Variants in CACNA1A observed in about 807,000 individuals in gnomAD.
CACNA1A encodes voltage-dependent P/Q-type calcium channel subunit alpha-1A.
CACNA1A carries 57 observed loss-of-function variants against 262.4 expected under a neutral mutation model. The observed-to-expected ratio is 0.22, with a 90% CI of 0.18 to 0.27. CACNA1A has a LOEUF of 0.27. Ranked by LOEUF, CACNA1A falls within the 10% of genes least tolerant of loss-of-function variation. The probability of loss-of-function intolerance (pLI) is 1.00; values close to 1 mark genes in which losing one functional copy is unlikely to be tolerated. For missense variants in CACNA1A, 2,526 were observed against 3,562.8 expected (o/e 0.71, Z 7.41); for synonymous variants, 1,431 against 1,419.3 (o/e 1.01, Z -0.18).
At chr19:13,296,640 T>C (rs948920740) in intron 19 of CACNA1A, among the ~76,000 whole-genome samples, 6 of 152,254 alleles carry the variant, frequency 3.9e-5, no homozygotes, top group Admixed American at 3.9e-4. Flanking sequence ...TCCTCCCACC[T>C]TGGCCTCCCA....
rs749526415 is a variant in CACNA1A at position 13,506,016 on chromosome 19, T to C, written c.209A>G (p.Asn70Ser). 6 of 1,613,962 alleles carry C rather than the reference T, an allele frequency of 3.7e-6. No homozygotes were observed. The highest frequency in any genetic ancestry group is 2.2e-5 in the South Asian group (2 of 91,070). ...GAGAGACCGGTTAACCGTGAGGCAGTTCTGTCGGACGGGGATGGGGTTGTA... is the reference window on the plus strand; with the variant it reads ...GAGAGACCGGTTAACCGTGAGGCAGCTCTGTCGGACGGGGATGGGGTTGTA... ...ALYNPIPVRQ[N>S]CLTVNRSLFL... The change falls in exon 1 of 47, where the codon AAC becomes AGC. Residue 70 changes from asparagine to serine, a missense_variant. Asn to Ser is a conservative substitution (Grantham distance 46). Around this residue, in one of 17 missense-constraint regions of CACNA1A, gnomAD observed 77 missense variants for 228.4 expected, o/e 0.34. Transcript: ENST00000360228.
chr19:13,216,564 G>C (rs1223504043), intron 38 of CACNA1A, among the ~76,000 whole-genome samples: 1 of 151,834 alleles, frequency 6.6e-6, no homozygotes, highest in Non-Finnish European at 1.5e-5. Flanking sequence ...CTGACCTCAG[G>C]TGATCTGCCT....
At position 13,255,043 on chromosome 19, in the gene CACNA1A, C is replaced by A. The variant is rs16033; in HGVS notation, c.4755+52G>T. ...TGGTTTCATTTTATCAGGGTAGAGGCAGGAACGAGGTGGGGGTTAAGTAGT... is the reference window on the plus strand; with the variant it reads ...TGGTTTCATTTTATCAGGGTAGAGGAAGGAACGAGGTGGGGGTTAAGTAGT... On this transcript the variant is annotated intron_variant, in intron 29 of 46. Coordinates refer to ENST00000360228, the MANE Select transcript of CACNA1A (RefSeq NM_001127222.2). 4.5e-3 allele frequency: 7,182 copies of A among 1,583,662 alleles called. 22 individuals are homozygous for A. Among genetic ancestry groups the A allele is most frequent in the Middle Eastern group, 8.0e-3 (47 of 5,894 alleles).
At chr19:13,374,157 C>A (rs2059368484) in intron 3 of CACNA1A, among the ~76,000 whole-genome samples, 1 of 152,128 alleles carries the variant, frequency 6.6e-6, no homozygotes, top group Non-Finnish European at 1.5e-5. Context: ...CATGGTGTCA[C>A]CACTGGGATT....
intron 5 of CACNA1A, 122 bp downstream of exon 5, chr19:13,365,195 C>T: frequency 1.2e-6 from 1 of 801,686 alleles, no homozygotes; most frequent in Non-Finnish European, 2.0e-6. Flanking sequence ...TCCTGTAGTG[C>T]TCTCTGAAGG....
At chr19:13,363,684 T>C (rs1244587407) in intron 5 of CACNA1A, 1 of 151,928 alleles carries the variant, frequency 6.6e-6, no homozygotes, top group Non-Finnish European at 1.5e-5. Flanking sequence ...CCAGACAGAA[T>C]CTTCTTCTGT....
Position 13,368,834 on chromosome 19 carries a change from C to T in CACNA1A, c.631+2854G>A, listed in dbSNP as rs1028022977. ...CGGGCGGATCACGAGGTCAGGAGAT[C>T]GAGACCATCCTGGCTAACACGGTGA... On this transcript the variant is annotated intron_variant, in intron 4 of 46. Transcript: ENST00000360228. Among the ~76,000 whole-genome samples the T allele has an allele frequency of 3.3e-3, 431 of 130,732 alleles. 69 individuals carry two copies. The highest frequency in any genetic ancestry group is 0.015 in the African/African-American group (351 of 24,000). The allele number at this position is 130,732 out of a possible 152,430, so 85.8% of individuals were successfully genotyped here. A position where few individuals can be genotyped will look rare whatever the true frequency, so the allele number is the denominator to read the frequency against.
At chr19:13,267,634 GT>G (rs1023096562) in intron 24 of CACNA1A, among the ~76,000 whole-genome samples, 1 of 152,054 alleles carries the variant, frequency 6.6e-6, no homozygotes, top group Non-Finnish European at 1.5e-5. Context: ...TCTGCCTCTC[GT>G]TATCCTCATC....
chr19:13,400,801 G>A (rs554898300), intron 3 of CACNA1A, among the ~76,000 whole-genome samples: 13 of 152,228 alleles, frequency 8.5e-5, no homozygotes, highest in South Asian at 4.2e-4. Flanking sequence ...GTGCTGTGGC[G>A]GAGAAACTCT....
At chr19:13,223,480 C>T (rs1215146758) in intron 38 of CACNA1A, among the ~76,000 whole-genome samples, 2 of 152,166 alleles carry the variant, frequency 1.3e-5, no homozygotes, top group African/African-American at 4.8e-5. Flanking sequence ...TGAGCCACCA[C>T]GTCGAGCCTA....
At chr19:13,374,827 T>C (rs2059378909) in intron 3 of CACNA1A, among the ~76,000 whole-genome samples, 1 of 151,980 alleles carries the variant, frequency 6.6e-6, no homozygotes, top group Non-Finnish European at 1.5e-5. Flanking sequence ...CCAATAAATA[T>C]AAGCAGGCTT....
chr19:13,351,981 T>TA (rs1281947594), intron 6 of CACNA1A, among the ~76,000 whole-genome samples: 1 of 152,120 alleles, frequency 6.6e-6, no homozygotes, highest in African/African-American at 2.4e-5. Context: ...AATCAATGAT[T>TA]TATTTTAGTG....
chr19:13,235,667 G>A lies in CACNA1A; in HGVS notation c.5014C>T (p.Arg1672Cys), dbSNP rs794727558. The change falls in exon 32 of 47, where the codon CGT (arginine) becomes TGT (cysteine). Residue 1672 changes from arginine to cysteine, a missense_variant. Around this residue, in one of 17 missense-constraint regions of CACNA1A, gnomAD observed 66 missense variants for 195.8 expected, o/e 0.34. Transcript: ENST00000360228. ...FRAARLIKLL[R>C]QGYTIRILLW... Reference sequence around the variant, plus strand: ...AGAATGCGGATGGTGTAACCCTGACGGAGAAGTTTGATGAGCCGGGCAGCT... The same window carrying A: ...AGAATGCGGATGGTGTAACCCTGACAGAGAAGTTTGATGAGCCGGGCAGCT... 3.7e-6 allele frequency: 6 copies of A among 1,613,952 alleles called. No homozygotes were observed. The highest frequency in any genetic ancestry group is 1.1e-5 in the South Asian group (1 of 91,078).
At chr19:13,333,847 A>C (rs2058511232) in intron 8 of CACNA1A, 1 of 152,664 alleles carries the variant, frequency 6.6e-6, no homozygotes, top group African/African-American at 2.4e-5. Context: ...AGAATATCAG[A>C]GCTCTGAGGG....
At chr19:13,384,888 GAGA>G (rs1295435391) in intron 3 of CACNA1A, among the ~76,000 whole-genome samples, 1 of 152,104 alleles carries the variant, frequency 6.6e-6, no homozygotes, top group Non-Finnish European at 1.5e-5. Flanking sequence ...AGAACAAGAG[GAGA>G]AGAACTGGAA....
intron 34 of CACNA1A, 69 bp from the exon 35 acceptor site, chr19:13,231,929 G>A: frequency 1.3e-6 from 2 of 1,519,822 alleles, no homozygotes; most frequent in South Asian, 1.2e-5. Flanking sequence ...TCCCCAGGAG[G>A]TGGAGCACAC....
At chr19:13,499,604 C>G (rs1164391268) in intron 1 of CACNA1A, among the ~76,000 whole-genome samples, 1 of 152,124 alleles carries the variant, frequency 6.6e-6, no homozygotes, top group African/African-American at 2.4e-5. Context: ...GGCCATTTTT[C>G]ACGCACGACC....
At chr19:13,231,684 G>A (rs574654047) in intron 35 of CACNA1A, 26 bp downstream of exon 35, 24 of 1,600,174 alleles carry the variant, frequency 1.5e-5, no homozygotes, top group African/African-American at 5.4e-5. Context: ...GAGCCCAGAC[G>A]GCCCTCACAG....
At chr19:13,414,820 G>A (rs1313636098) in intron 3 of CACNA1A, among the ~76,000 whole-genome samples, 3 of 151,920 alleles carry the variant, frequency 2.0e-5, no homozygotes, top group Admixed American at 6.6e-5. Context: ...AAATTTGCCC[G>A]GGTGTGGTGG....
Sources: gnomAD v4.1 joint callset for allele counts (sites outside exome capture counted in the v4.1 genomes callset) on GRCh38, gnomAD v4.1.1 for gene constraint, gnomAD v4.1.1 regional missense constraint, MANE v1.5 for transcripts, NCBI Gene and HGNC (gene_info 2026-07-23, HGNC 2026-07-21) for gene names.